DGKB: variants seen among roughly 807,000 people sequenced by gnomAD.
DGKB encodes diacylglycerol kinase beta.
Under a neutral mutation model 114.3 loss-of-function variants are expected in DGKB, and 67 were observed. The ratio of observed to expected loss-of-function variants is 0.59; its 90% CI spans 0.48 to 0.72. DGKB has a LOEUF of 0.72. Ranked by LOEUF, DGKB falls within the 30% of genes least tolerant of loss-of-function variation. The pLI is 0.00. For synonymous variants in DGKB, 398 were observed against 323.1 expected, an observed-to-expected ratio of 1.23 and a Z score of -2.49; for missense variants, 907 against 975.2, an observed-to-expected ratio of 0.93 and a Z score of 0.93.
intron 4 of DGKB, among the ~76,000 whole-genome samples, chr7:14,747,947 G>A (rs1833595423): frequency 6.6e-6 from 1 of 152,136 alleles, no homozygotes; most frequent in African/African-American, 2.4e-5. Flanking sequence ...CAGATTCAAG[G>A]CACATTTCTA....
chr7:14,427,949 T>G (rs956513179), intron 21 of DGKB, among the ~76,000 whole-genome samples: 1 of 152,138 alleles, frequency 6.6e-6, no homozygotes, highest in Non-Finnish European at 1.5e-5. Flanking sequence ...AAATTATATC[T>G]TTCTCTATGT....
At position 14,184,241 on chromosome 7, in the gene DGKB, G is replaced by A. The variant is rs533600641; in HGVS notation, c.2123-6090C>T. ...GGGGGTAAAACTCCACAGGGAGAAGGAAATCTCTAGCTAAACTTTGTAACA... is the reference window on the plus strand; with the variant it reads ...GGGGGTAAAACTCCACAGGGAGAAGAAAATCTCTAGCTAAACTTTGTAACA... On this transcript the variant is annotated intron_variant, in intron 23 of 25. Transcript: ENST00000402815. Among the ~76,000 whole-genome samples, 3 of 152,246 alleles carry A rather than the reference G, an allele frequency of 2.0e-5. No homozygotes were observed. The East Asian group carries it at 5.8e-4, about 30-fold the overall frequency.
At chr7:14,966,593 C>T (rs1787163922) in intron 1 of DGKB, among the ~76,000 whole-genome samples, 1 of 152,110 alleles carries the variant, frequency 6.6e-6, no homozygotes, top group South Asian at 2.1e-4. Context: ...CTTGAGCCAC[C>T]ATGCCTGGCC....
intron 23 of DGKB, among the ~76,000 whole-genome samples, chr7:14,238,891 A>AT (rs755243760): frequency 6.6e-6 from 1 of 152,030 alleles, no homozygotes; most frequent in Admixed American, 6.6e-5. Context: ...TTAAAAAATA[A>AT]TTTTTTTATT....
At chr7:14,163,239 C>T (rs866273816) in intron 25 of DGKB, among the ~76,000 whole-genome samples, 20 of 151,030 alleles carry the variant, frequency 1.3e-4, no homozygotes, top group South Asian at 1.3e-3. Context: ...ACAATCAATC[C>T]TTTTTTTTTA....
At chr7:14,729,315 G>GGC in intron 5 of DGKB, among the ~76,000 whole-genome samples, 1 of 151,150 alleles carries the variant, frequency 6.6e-6, no homozygotes, top group Non-Finnish European at 1.5e-5. Flanking sequence ...GTAGAGACCA[G>GGC]GTTTCACCGT....
At chr7:14,967,863 T>C (rs1387661935) in intron 1 of DGKB, among the ~76,000 whole-genome samples, 2 of 151,990 alleles carry the variant, frequency 1.3e-5, no homozygotes, top group East Asian at 3.9e-4. Context: ...GATAAAATAA[T>C]TAGAGCAAAA....
At chr7:14,484,523 C>T (rs1198374683) in intron 20 of DGKB, among the ~76,000 whole-genome samples, 1 of 152,178 alleles carries the variant, frequency 6.6e-6, no homozygotes, top group Non-Finnish European at 1.5e-5. Context: ...CTTGCTCCTG[C>T]TATTGCCATG....
intron 2 of DGKB, among the ~76,000 whole-genome samples, chr7:14,774,337 A>G (rs1050111742): frequency 6.6e-6 from 1 of 152,238 alleles, no homozygotes; most frequent in Non-Finnish European, 1.5e-5. Context: ...CACATTGTCC[A>G]AGCACTACAG....
At chr7:14,642,884 T>C (rs961253915) in intron 13 of DGKB, among the ~76,000 whole-genome samples, 22 of 152,236 alleles carry the variant, frequency 1.4e-4, no homozygotes, top group African/African-American at 4.6e-4. Flanking sequence ...TATAATACTC[T>C]TTGTTTTAAG....
At chr7:14,215,350 G>T (rs1454012682) in intron 23 of DGKB, among the ~76,000 whole-genome samples, 2 of 152,026 alleles carry the variant, frequency 1.3e-5, no homozygotes, top group Non-Finnish European at 2.9e-5. Flanking sequence ...TAAAAAAGAG[G>T]CAATGTATTT....
At chr7:14,481,155 T>C (rs573043262) in intron 20 of DGKB, among the ~76,000 whole-genome samples, 3 of 151,962 alleles carry the variant, frequency 2.0e-5, no homozygotes, top group Non-Finnish European at 4.4e-5. Context: ...TATATGCAAA[T>C]ATATGTATAT....
At chr7:14,640,221 T>C (rs532956373) in intron 13 of DGKB, among the ~76,000 whole-genome samples, 65 of 152,278 alleles carry the variant, frequency 4.3e-4, no homozygotes, top group South Asian at 1.0e-3. Context: ...AATTAGGAAA[T>C]TGATATTTTA....
rs1798778647 is a variant in DGKB at position 14,574,152 on chromosome 7, G to T, written c.1770+60C>A. The T allele has an allele frequency of 3.0e-6, 4 of 1,334,124 alleles. No individual in the cohort carries two copies. The East Asian group carries it at 7.2e-5, about 24-fold the overall frequency. The allele number at this position is 1,334,124 out of a possible 1,614,324, so 82.6% of individuals were successfully genotyped here. A position where few individuals can be genotyped will look rare whatever the true frequency, so the allele number is the denominator to read the frequency against. ...ATCAGTAAATTTTCATAGTTTAAAA[G>T]TTTTCTCACTGTGATTATACAGTAC... On this transcript the variant is annotated intron_variant, in intron 20 of 25. Transcript: ENST00000402815.
intron 20 of DGKB, among the ~76,000 whole-genome samples, chr7:14,502,485 CAT>C (rs1360389505): frequency 6.6e-6 from 1 of 152,052 alleles, no homozygotes; most frequent in African/African-American, 2.4e-5. Flanking sequence ...TTTGAAGTCA[CAT>C]GTTACACAAT....
intron 17 of DGKB, among the ~76,000 whole-genome samples, chr7:14,598,193 G>T (rs1802922046): frequency 6.6e-6 from 1 of 152,016 alleles, no homozygotes; most frequent in African/African-American, 2.4e-5. Context: ...AATCATCTTT[G>T]CAACAAACAG....
chr7:14,955,545 T>A (rs1722199381), intron 1 of DGKB, among the ~76,000 whole-genome samples: 1 of 152,016 alleles, frequency 6.6e-6, no homozygotes, highest in South Asian at 2.1e-4. Flanking sequence ...AATGTAGTCA[T>A]CTCAGAGAGA....
intron 20 of DGKB, among the ~76,000 whole-genome samples, chr7:14,548,901 G>A (rs1408892370): frequency 6.6e-6 from 1 of 151,706 alleles, no homozygotes; most frequent in African/African-American, 2.4e-5. Flanking sequence ...TCAGTAGTGG[G>A]GATTTGTGAA....
At chr7:14,662,699 G>C (rs1817365026) in intron 13 of DGKB, among the ~76,000 whole-genome samples, 1 of 151,698 alleles carries the variant, frequency 6.6e-6, no homozygotes, top group Non-Finnish European at 1.5e-5. Context: ...ATCAAGTTAA[G>C]TGTTAAAATA....
Sources: gnomAD v4.1 joint callset for allele counts (sites outside exome capture counted in the v4.1 genomes callset) on GRCh38, gnomAD v4.1.1 for gene constraint, MANE v1.5 for transcripts, NCBI Gene and HGNC (gene_info 2026-07-23, HGNC 2026-07-21) for gene names.